The following GXYLT2 variants were observed in gnomAD, a reference collection of about 807,000 sequenced individuals.
GXYLT2 encodes glucoside xylosyltransferase 2.
A neutral mutation model predicts 45.8 loss-of-function variants in GXYLT2; 53 were observed. That is an observed-to-expected ratio of 1.16 (90% confidence interval 0.93 to 1.46). The LOEUF (loss-of-function observed/expected upper bound fraction) is 1.46. Ranked by LOEUF, GXYLT2 falls within the 40% of genes most tolerant of loss-of-function variation. GXYLT2 has a pLI of 0.00. For synonymous variants in GXYLT2, 219 were observed against 214.2 expected, an observed-to-expected ratio of 1.02 and a Z score of -0.19; for missense variants, 551 against 544.4, an observed-to-expected ratio of 1.01 and a Z score of -0.12.
intron 1 of GXYLT2, among the ~76,000 whole-genome samples, chr3:72,900,150 A>C (rs1409065425): frequency 6.6e-6 from 1 of 152,236 alleles, no homozygotes; most frequent in Non-Finnish European, 1.5e-5. Flanking sequence ...GCTACAAAGT[A>C]AATAGCACTA....
chr3:72,916,616 T>C (rs1203302812), intron 2 of GXYLT2, among the ~76,000 whole-genome samples: 4 of 152,144 alleles, frequency 2.6e-5, no homozygotes, highest in Non-Finnish European at 5.9e-5. Flanking sequence ...CTCCACTCAC[T>C]GCAACCTCTG....
intron 6 of GXYLT2, among the ~76,000 whole-genome samples, chr3:72,974,074 C>A (rs1711046201): frequency 6.6e-6 from 1 of 152,158 alleles, no homozygotes; most frequent in African/African-American, 2.4e-5. Flanking sequence ...TCTTTCATTT[C>A]TCACTAGTCT....
intron 1 of GXYLT2, among the ~76,000 whole-genome samples, chr3:72,889,662 T>C (rs1709140383): frequency 6.6e-6 from 1 of 152,208 alleles, no homozygotes; most frequent in Admixed American, 6.5e-5. Context: ...TCCCCTCTTC[T>C]ATACTGGAGT....
chr3:72,894,745 C>T (rs1242350594), intron 1 of GXYLT2, among the ~76,000 whole-genome samples: 1 of 152,196 alleles, frequency 6.6e-6, no homozygotes, highest in African/African-American at 2.4e-5. Context: ...TGAAGATTGC[C>T]AGGTGGAGGT....
intron 2 of GXYLT2, among the ~76,000 whole-genome samples, chr3:72,916,368 G>C (rs1238990343): frequency 2.0e-5 from 3 of 151,412 alleles, no homozygotes; most frequent in African/African-American, 7.3e-5. Flanking sequence ...TGGGGGTGGG[G>C]GTAGAGATGG....
chr3:72,888,367 GC>G lies in GXYLT2; in HGVS notation c.136del (p.His46ThrfsTer104), dbSNP rs1709107334. 1.0e-6 allele frequency: 1 copy of G among 983,016 alleles called. No individual in the cohort carries two copies. The highest frequency in any genetic ancestry group is 1.8e-5 in the African/African-American group (1 of 56,576). The allele number at this position is 983,016 out of a possible 1,614,324, so 60.9% of individuals were successfully genotyped here. On this transcript the variant is annotated frameshift_variant, in exon 1 of 7. Transcript: ENST00000389617. LOFTEE classifies it high-confidence loss of function. ...GCGCGCCCCGCGTCCGCCCCGCAGC[GC>G]CACCCCGCGCCTGTCCCCGCGCGCT... ...LPARPASAPQ[R>X]HPAPVPARWP...
intron 6 of GXYLT2, among the ~76,000 whole-genome samples, chr3:72,971,668 G>C (rs1161355200): frequency 6.6e-6 from 1 of 152,134 alleles, no homozygotes; most frequent in Non-Finnish European, 1.5e-5. Context: ...AGTTGTTTTG[G>C]CCAGGTGCGG....
chr3:72,975,136 G>A lies in GXYLT2; in HGVS notation c.1309G>A (p.Val437Ile). The A allele has an allele frequency of 6.2e-7, 1 of 1,613,440 alleles. No homozygotes were observed. The highest frequency in any genetic ancestry group is 8.5e-7 in the Non-Finnish European group (1 of 1,179,630). ...RAYEKHVIIHVGPNQMH is the reference protein window; with the variant it reads ...RAYEKHVIIHIGPNQMH ...TTATGAGAAACACGTCATCATCCATGTTGGCCCCAACCAGATGCACTGAAT... is the reference window on the plus strand; with the variant it reads ...TTATGAGAAACACGTCATCATCCATATTGGCCCCAACCAGATGCACTGAAT... Residue 437 changes from valine (V) to isoleucine (I), a missense_variant, in exon 7 of 7, where the codon GTT becomes ATT. Physicochemically the swap from Val to Ile is conservative, Grantham distance 29. Transcript: ENST00000389617.
At chr3:72,968,735 G>A (rs1272545523) in intron 6 of GXYLT2, among the ~76,000 whole-genome samples, 1 of 152,074 alleles carries the variant, frequency 6.6e-6, no homozygotes, top group African/African-American at 2.4e-5. Context: ...AGACCAGCCT[G>A]GCCAATATGG....
rs557431364 is a variant in GXYLT2 at position 72,933,734 on chromosome 3, C to A, written c.600+11399C>A. Among the ~76,000 whole-genome samples the A allele has an allele frequency of 1.5e-3, 234 of 152,108 alleles. 7 individuals carry two copies. The South Asian group carries it at 0.048, about 31-fold the overall frequency. ...GACCAGCCTGAGCAACAAAGTGACA[C>A]CCTGTCTCTACAAAGAATTAACCGG... On this transcript the variant is annotated intron_variant, in intron 3 of 6. Transcript: ENST00000389617.
intron 3 of GXYLT2, among the ~76,000 whole-genome samples, chr3:72,934,486 A>G (rs884767): frequency 0.6 from 91,541 of 151,928 alleles, 27,718 homozygotes; most frequent in Admixed American, 0.65. Flanking sequence ...CAGCAGTGGG[A>G]AAAACGCAGA....
At chr3:72,950,063 A>ATGGTGGCTTATGCC (rs111775744) in intron 3 of GXYLT2, among the ~76,000 whole-genome samples, 127,198 of 151,986 alleles carry the variant, frequency 0.84, 53,527 homozygotes, top group East Asian at 0.93. Flanking sequence ...CAGGCCAGGC[A>ATGGTGGCTTATGCC]TGTAATCCCA....
At position 72,955,267 on chromosome 3, in the gene GXYLT2, G is replaced by A; in HGVS notation, c.770G>A (p.Arg257Lys). 1.2e-6 allele frequency: 2 copies of A among 1,614,026 alleles called. No individual in the cohort carries two copies. Among genetic ancestry groups the A allele is most frequent in the South Asian group, 1.1e-5 (1 of 91,080 alleles). The change falls in exon 4 of 7, where the codon AGG (arginine) becomes AAG (lysine). Residue 257 changes from arginine (R) to lysine (K), a missense_variant. Physicochemically the swap from Arg to Lys is conservative, Grantham distance 26. Transcript: ENST00000389617. ...PKIGWYSRFA[R>K]HPFYGSAGVN... is the part of the protein sequence containing the mutation. ...ATTGGCTGGTACAGCCGCTTTGCTA[G>A]GCATCCTTTCTATGGCTCTGCAGGA...
intron 6 of GXYLT2, among the ~76,000 whole-genome samples, chr3:72,967,925 A>G (rs915694947): frequency 2.6e-5 from 4 of 152,090 alleles, no homozygotes; most frequent in African/African-American, 9.7e-5. Flanking sequence ...CACGTACACC[A>G]TTCATTATCT....
At chr3:72,899,047 C>T (rs1709350105) in intron 1 of GXYLT2, among the ~76,000 whole-genome samples, 1 of 152,128 alleles carries the variant, frequency 6.6e-6, no homozygotes, top group South Asian at 2.1e-4. Flanking sequence ...GGCTCTTTTT[C>T]TAACTTACTT....
intron 5 of GXYLT2, among the ~76,000 whole-genome samples, chr3:72,957,806 G>A (rs1387064822): frequency 1.3e-5 from 2 of 152,044 alleles, no homozygotes; most frequent in African/African-American, 2.4e-5. Flanking sequence ...CCCCAAATCC[G>A]TTTTGCTTTT....
At position 72,949,456 on chromosome 3, in the gene GXYLT2, A is replaced by G. The variant is rs568826706; in HGVS notation, c.601-5642A>G. Among the ~76,000 whole-genome samples the G allele has an allele frequency of 2.0e-5, 3 of 147,856 alleles. No homozygotes were observed. The South Asian group carries it at 6.5e-4, about 32-fold the overall frequency. ...TTGCCCCTTTTCTGTCTCCCCCATTAAAGCTCCTGTGAACAGGGAATATGT... is the reference window on the plus strand; with the variant it reads ...TTGCCCCTTTTCTGTCTCCCCCATTGAAGCTCCTGTGAACAGGGAATATGT... On this transcript the variant is annotated intron_variant, in intron 3 of 6. Coordinates refer to ENST00000389617, the MANE Select transcript of GXYLT2 (RefSeq NM_001080393.2).
At chr3:72,951,751 T>C (rs919274959) in intron 3 of GXYLT2, among the ~76,000 whole-genome samples, 1 of 152,240 alleles carries the variant, frequency 6.6e-6, no homozygotes, top group Non-Finnish European at 1.5e-5. Flanking sequence ...CAGTCAATAT[T>C]CAGAATTCTT....
At chr3:72,967,446 A>T in intron 5 of GXYLT2, 101 bp from the exon 6 acceptor site, 1 of 866,262 alleles carries the variant, frequency 1.2e-6, no homozygotes, top group Non-Finnish European at 1.8e-6. Context: ...CTTTGAAATT[A>T]CATGCTGTGT....
Sources: allele counts gnomAD v4.1 joint callset (sites outside exome capture counted in the v4.1 genomes callset), GRCh38; gene constraint gnomAD v4.1.1; transcripts MANE v1.5; gene names NCBI Gene and HGNC (gene_info 2026-07-23, HGNC 2026-07-21).